GOLGB1: variants seen among roughly 807,000 people sequenced by gnomAD.
GOLGB1 encodes the protein golgin subfamily B member 1.
In GOLGB1, 174 loss-of-function variants were observed where a neutral mutation model predicts 336.9. The ratio of observed to expected loss-of-function variants is 0.52; its 90% CI spans 0.46 to 0.59. The LOEUF (loss-of-function observed/expected upper bound fraction) is 0.59. Ranked by LOEUF, GOLGB1 falls within the 20% of genes least tolerant of loss-of-function variation. The pLI, the probability that GOLGB1 is intolerant of heterozygous loss-of-function variation, is 0.00. For missense variants in GOLGB1, 3,331 were observed against 3,645.3 expected (o/e 0.91, Z 2.22); for synonymous variants, 1,208 against 1,289.2 (o/e 0.94, Z 1.35).
In GOLGB1 at chr3:121,692,056, GTTCTCCTCTTCTAAAACAATA is replaced by G; in HGVS notation, c.7287_7307del (p.Ile2430_Asn2436del). 1.2e-6 allele frequency: 2 copies of G among 1,611,984 alleles called. No individual in the cohort carries two copies. The highest frequency in any genetic ancestry group is 1.7e-6 in the Non-Finnish European group (2 of 1,179,454). ...GATTGGTTTTATCAACAGCCTTTTT[GTTCTCCTCTTCTAAAACAATA>G]TTCTCCTCTTCCTCCTGGGACAGCA... On this transcript the variant is annotated inframe_deletion, in exon 14 of 22. Coordinates refer to ENST00000614479, the MANE Select transcript of GOLGB1 (RefSeq NM_001366282.2).
At chr3:121,720,381 G>A (rs2108167803) in intron 6 of GOLGB1, among the ~76,000 whole-genome samples, 1 of 152,218 alleles carries the variant, frequency 6.6e-6, no homozygotes, top group East Asian at 1.9e-4. Context: ...ATTTTTAACT[G>A]GCTCTGAACA....
chr3:121,725,615 T>C (rs1945528618), intron 5 of GOLGB1, among the ~76,000 whole-genome samples: 1 of 152,164 alleles, frequency 6.6e-6, no homozygotes, highest in Non-Finnish European at 1.5e-5. Flanking sequence ...GTGAGAAGAA[T>C]ATGAGTTTTG....
At position 121,671,987 on chromosome 3, in the gene GOLGB1, A is replaced by T. The variant is rs1939609120; in HGVS notation, c.9178-2632T>A. 5.9e-5 allele frequency among the ~76,000 whole-genome samples: 9 copies of T among 152,306 alleles called. No individual in the cohort carries two copies. The South Asian group carries it at 1.9e-3, about 32-fold the overall frequency. ...AAATGACAGAATTTCATACCTCTAA[A>T]AGCTGAATAATATTCCCTTGTGTAC... On this transcript the variant is annotated intron_variant, in intron 17 of 21. Transcript: ENST00000614479.
Position 121,692,529 on chromosome 3 carries a change from GCTGGACCT to G in GOLGB1, c.6827_6834del (p.Glu2276AlafsTer7). Reference sequence around the variant, plus strand: ...AGAGTATCACAGACCTTCTGCTGAAGCTGGACCTCTGTCTGGGCCTTGGACTCCCAAAT... The same window carrying G: ...AGAGTATCACAGACCTTCTGCTGAAGCTGTCTGGGCCTTGGACTCCCAAAT... On this transcript the variant is annotated frameshift_variant, in exon 14 of 22. Transcript: ENST00000614479. LOFTEE classifies it high-confidence loss of function. The G allele has an allele frequency of 6.2e-7, 1 of 1,609,540 alleles. No individual in the cohort carries two copies. The highest frequency in any genetic ancestry group is 8.5e-7 in the Non-Finnish European group (1 of 1,178,680).
chr3:121,665,183 G>A (rs1938436242), intron 20 of GOLGB1, 152 bp from the exon 21 acceptor site: 1 of 597,076 alleles, frequency 1.7e-6, no homozygotes, highest in Non-Finnish European at 3.0e-6. Context: ...TGCAAGGGGG[G>A]TACCAGCAGA....
chr3:121,703,269 C>T (rs1431537611), intron 10 of GOLGB1, among the ~76,000 whole-genome samples: 5 of 152,020 alleles, frequency 3.3e-5, no homozygotes, highest in East Asian at 1.9e-4. Context: ...TATTTGACCC[C>T]GAAATCTTCA....
rs771045916 is a variant in GOLGB1, at chr3:121,664,556, C to G, written c.9719G>C (p.Arg3240Pro). The change falls in exon 22 of 22, where the codon CGA (arginine) becomes CCA (proline). Residue 3240 changes from arginine (R) to proline (P), a missense_variant. Coordinates refer to ENST00000614479, the MANE Select transcript of GOLGB1 (RefSeq NM_001366282.2). ...GTAGATGGCTGCTAGAAGTGGCACTCGGGTCCGTGAATGACAGAGTGAACG... is the reference window on the plus strand; with the variant it reads ...GTAGATGGCTGCTAGAAGTGGCACTGGGGTCCGTGAATGACAGAGTGAACG... ...VLRSLCHSRT[R>P]VPLLAAIYFL... is the part of the protein sequence containing the mutation. The G allele has an allele frequency of 1.9e-6, 3 of 1,613,512 alleles. No homozygotes were observed. Among genetic ancestry groups the G allele is most frequent in the Non-Finnish European group, 1.7e-6 (2 of 1,179,440 alleles).
At chr3:121,745,333 T>G (rs889883811) in intron 1 of GOLGB1, among the ~76,000 whole-genome samples, 4 of 147,008 alleles carry the variant, frequency 2.7e-5, no homozygotes, top group African/African-American at 1.0e-4. Context: ...TGTATGTATA[T>G]ATACATATGT....
rs1450862162 is a variant in GOLGB1 at position 121,696,062 on chromosome 3, T to C, written c.4461A>G (p.Gln1487=). The part of the protein sequence containing the change: ...GEESRAKQQI[Q]RKLQAALISR... ...AAATAAGGGCAGCTTGCAGTTTCCT[T>C]TGTATTTGTTGCTTTGCTCTACTTT... Residue 1487 remains glutamine, a synonymous_variant, in exon 13 of 22, where the codon CAA becomes CAG. Coordinates refer to ENST00000614479, the MANE Select transcript of GOLGB1 (RefSeq NM_001366282.2). 6.2e-7 allele frequency: 1 copy of C among 1,613,926 alleles called. No homozygotes were observed. The highest frequency in any genetic ancestry group is 1.7e-5 in the Admixed American group (1 of 59,970).
intron 14 of GOLGB1, among the ~76,000 whole-genome samples, chr3:121,683,004 T>C (rs1465334241): frequency 2.0e-5 from 3 of 149,592 alleles, no homozygotes; most frequent in Non-Finnish European, 4.4e-5. Context: ...AGGTGATAGC[T>C]GAGATAAGGA....
Position 121,692,448 on chromosome 3 carries a change from G to C in GOLGB1, c.6916C>G (p.His2306Asp). The change falls in exon 14 of 22, where the codon CAC becomes GAC. Residue 2306 changes from histidine to aspartate, a missense_variant. By Grantham distance (81) the His-to-Asp change is moderately conservative. Coordinates refer to ENST00000614479, the MANE Select transcript of GOLGB1 (RefSeq NM_001366282.2). The part of the protein sequence containing the change: ...SQLEETRHLY[H>D]SSQNELAKLE... ...TTAGCTAATTCATTCTGAGAACTGT[G>C]GTATAGGTGGCGTGTCTCTTCTAGC... 1 of 1,613,944 alleles carries C rather than the reference G, an allele frequency of 6.2e-7. No individual in the cohort carries two copies. Among genetic ancestry groups the C allele is most frequent in the Non-Finnish European group, 8.5e-7 (1 of 1,179,892 alleles).
chr3:121,689,647 TTA>T (rs1560207035), intron 14 of GOLGB1, among the ~76,000 whole-genome samples: 3 of 114,484 alleles, frequency 2.6e-5, no homozygotes, highest in African/African-American at 3.3e-5. Context: ...GAATGATCAA[TTA>T]AAAAAAAAAA....
rs894853662 is a variant in GOLGB1 at position 121,745,919 on chromosome 3, C to A, written c.-3+3713G>T. 2.0e-5 allele frequency among the ~76,000 whole-genome samples: 3 copies of A among 152,226 alleles called. No homozygotes were observed. In the East Asian group the frequency reaches 5.8e-4, roughly 29 times the overall value. On this transcript the variant is annotated intron_variant, in intron 1 of 21. Coordinates refer to ENST00000614479, the MANE Select transcript of GOLGB1 (RefSeq NM_001366282.2). ...TATCAATGATTATTCTTATAACAACCACCTGGTGTTCAGCATTATGCTAGG... is the reference window on the plus strand; with the variant it reads ...TATCAATGATTATTCTTATAACAACAACCTGGTGTTCAGCATTATGCTAGG...
intron 14 of GOLGB1, among the ~76,000 whole-genome samples, chr3:121,689,349 A>ACC (rs1942186671): frequency 6.6e-6 from 1 of 152,002 alleles, no homozygotes; most frequent in Non-Finnish European, 1.5e-5. Context: ...CTGTGACCTT[A>ACC]CCCCCAACCC....
Position 121,684,127 on chromosome 3 carries a change from C to CAAAAA in GOLGB1, c.8695-2267_8695-2263dup, listed in dbSNP as rs61510295. Among the ~76,000 whole-genome samples the CAAAAA allele has an allele frequency of 1.1e-3, 12 of 10,908 alleles. 1 individual carries two copies. Among genetic ancestry groups the CAAAAA allele is most frequent in the African/African-American group, 3.1e-3 (8 of 2,594 alleles). The allele number at this position is 10,908 out of a possible 152,430, so 7.2% of individuals were successfully genotyped here. On this transcript the variant is annotated intron_variant, in intron 14 of 21. Coordinates refer to ENST00000614479, the MANE Select transcript of GOLGB1 (RefSeq NM_001366282.2). ...TGGATGACAGAGCGAGACGCCGTCT[C>CAAAAA]AAAAAAAAAAAAAAAAAAAAAAAAA...
chr3:121,663,475 G>A lies in GOLGB1; in HGVS notation c.*1005C>T, dbSNP rs540046774. The A allele has an allele frequency of 2.0e-5, 3 of 152,140 alleles. No homozygotes were observed. The highest frequency in any genetic ancestry group is 7.2e-5 in the African/African-American group (3 of 41,412). 9.4% of individuals were successfully genotyped at this position (152,140 alleles called of 1,614,324 possible). ...CTCAGGTCTATCTATATTTAATTTT[G>A]TCTTCTCTATATTCTCCTTCCATTG... On this transcript the variant is annotated 3_prime_UTR_variant, in exon 22 of 22. Coordinates refer to ENST00000614479, the MANE Select transcript of GOLGB1 (RefSeq NM_001366282.2).
In GOLGB1 at chr3:121,698,702, C is replaced by T. The variant is rs749887476; in HGVS notation, c.1821G>A (p.Glu607=). The change falls in exon 13 of 22, where the codon GAG becomes GAA. Residue 607 remains glutamate, a synonymous_variant. Coordinates refer to ENST00000614479, the MANE Select transcript of GOLGB1 (RefSeq NM_001366282.2). ...TTTTAATTGGAGCTATTCCCTCACC[C>T]TCCATCTGTTTCATTTCTTTCTGGT... is the stretch of plus-strand genomic sequence containing the variant. The part of the protein sequence containing the change: ...VLDQKEMKQM[E]GEGIAPIKMK... 1.2e-6 allele frequency: 2 copies of T among 1,613,782 alleles called. No individual in the cohort carries two copies. The highest frequency in any genetic ancestry group is 2.2e-5 in the South Asian group (2 of 91,058).
In GOLGB1 at chr3:121,684,760, A is replaced by C. The variant is rs9637385; in HGVS notation, c.8695-2895T>G. 0.021 allele frequency among the ~76,000 whole-genome samples: 3,184 copies of C among 152,336 alleles called. 172 individuals are homozygous for C. In the East Asian group the frequency reaches 0.24, roughly 11 times the overall value. ...TCAATAAATTTACCTTCCACATACC[A>C]TTTCTTAGGGATCTACTGAATGATT... On this transcript the variant is annotated intron_variant, in intron 14 of 21. Transcript: ENST00000614479.
intron 14 of GOLGB1, among the ~76,000 whole-genome samples, chr3:121,687,276 C>A (rs563301428): frequency 5.9e-5 from 9 of 151,988 alleles, no homozygotes; most frequent in Non-Finnish European, 1.3e-4. Context: ...AACAAACAAA[C>A]AAAAAAACAG....
Sources: gnomAD v4.1 joint callset for allele counts (sites outside exome capture counted in the v4.1 genomes callset) on GRCh38, gnomAD v4.1.1 for gene constraint, MANE v1.5 for transcripts, NCBI Gene and HGNC (gene_info 2026-07-23, HGNC 2026-07-21) for gene names.